The following CDH4 variants were observed in gnomAD, a reference collection of about 807,000 sequenced individuals.
CDH4 encodes the protein cadherin 4.
A neutral mutation model predicts 86.0 loss-of-function variants in CDH4; 33 were observed. The observed-to-expected ratio is 0.38, with a 90% CI of 0.29 to 0.51. The LOEUF (loss-of-function observed/expected upper bound fraction) is 0.51, where lower values mean the gene tolerates loss of function less well. Among genes scored for constraint, CDH4 ranks in the 20% least tolerant of loss-of-function variants. The probability of loss-of-function intolerance (pLI) is 0.86; values close to 1 mark genes in which losing one functional copy is unlikely to be tolerated. For synonymous variants in CDH4, 555 were observed against 549.4 expected (o/e 1.01, Z -0.14); for missense variants, 1,114 against 1,307.4 (o/e 0.85, Z 2.28).
At chr20:61,565,260 G>GTGGTGCTCTTGGTGA (rs2086274425) in intron 2 of CDH4, among the ~76,000 whole-genome samples, 1 of 101,726 alleles carries the variant, frequency 9.8e-6, no homozygotes, top group African/African-American at 3.9e-5. Flanking sequence ...CTTGGTGATG[G>GTGGTGCTCTTGGTGA]TGGTGGTGGT....
chr20:61,813,051 C>T (rs894136621), intron 4 of CDH4, among the ~76,000 whole-genome samples: 3 of 152,248 alleles, frequency 2.0e-5, no homozygotes, highest in Admixed American at 2.0e-4. Context: ...AGGCTGACTG[C>T]GAACCACATC....
At chr20:61,389,910 A>G (rs879243922) in intron 2 of CDH4, among the ~76,000 whole-genome samples, 5 of 137,114 alleles carry the variant, frequency 3.6e-5, no homozygotes, top group African/African-American at 5.5e-5. Flanking sequence ...TGCCCATAGC[A>G]CCATGTCTAG....
chr20:61,722,033 C>T (rs191525930), intron 2 of CDH4, among the ~76,000 whole-genome samples: 16 of 152,204 alleles, frequency 1.1e-4, no homozygotes, highest in East Asian at 7.7e-4. Flanking sequence ...GGCACCTCAC[C>T]GTCCAATGTG....
rs769022264 is a variant in CDH4 at position 61,844,808 on chromosome 20, G to A, written c.717G>A (p.Glu239=). ...MYVTRPMDRE[E]HASYHLRAHA... The stretch of plus-strand genomic sequence containing the variant: ...TCACAAGGCCCATGGACCGGGAGGA[G>A]CACGCCTCTTACCACGTGAGTGTCC... Residue 239 remains glutamate (E), a synonymous_variant, in exon 5 of 16, where the codon GAG becomes GAA. Coordinates refer to ENST00000614565, the MANE Select transcript of CDH4 (RefSeq NM_001794.5). 7 of 1,612,720 alleles carry A rather than the reference G, an allele frequency of 4.3e-6. No homozygotes were observed. The East Asian group carries it at 1.6e-4, about 36-fold the overall frequency.
intron 4 of CDH4, among the ~76,000 whole-genome samples, chr20:61,784,248 A>G (rs1364377216): frequency 1.4e-4 from 1 of 7,358 alleles, no homozygotes. Flanking sequence ...TTGTGCCCCC[A>G]GGAGAATGTA....
intron 2 of CDH4, among the ~76,000 whole-genome samples, chr20:61,308,457 T>C (rs547062438): frequency 2.0e-5 from 3 of 152,314 alleles, no homozygotes; most frequent in Admixed American, 6.5e-5. Context: ...CTCATTGCAC[T>C]GTGCAGGAAA....
Position 61,731,057 on chromosome 20 carries a change from C to T in CDH4, c.170-12506C>T, listed in dbSNP as rs753426207. On this transcript the variant is annotated intron_variant, in intron 2 of 15. Coordinates refer to ENST00000614565, the MANE Select transcript of CDH4 (RefSeq NM_001794.5). Reference sequence around the variant, plus strand: ...GTGTGGGCAGACCCCAGAGACCTCACCCTGGGGTCTGGAGTTCAGGAGAAG... The same window carrying T: ...GTGTGGGCAGACCCCAGAGACCTCATCCTGGGGTCTGGAGTTCAGGAGAAG... 6.0e-4 allele frequency among the ~76,000 whole-genome samples: 92 copies of T among 152,124 alleles called. 1 individual carries two copies. The highest frequency in any genetic ancestry group is 5.6e-4 in the Non-Finnish European group (38 of 67,966).
chr20:61,795,438 G>T (rs1001926278), intron 4 of CDH4, among the ~76,000 whole-genome samples: 1 of 152,068 alleles, frequency 6.6e-6, no homozygotes, highest in Non-Finnish European at 1.5e-5. Flanking sequence ...GAAGGTGAGA[G>T]GAATGACAGG....
At position 61,663,311 on chromosome 20, in the gene CDH4, G is replaced by A. The variant is rs1010321020; in HGVS notation, c.170-80252G>A. Among the ~76,000 whole-genome samples, 2 of 152,250 alleles carry A rather than the reference G, an allele frequency of 1.3e-5. No individual in the cohort carries two copies. Among genetic ancestry groups the A allele is most frequent in the African/African-American group, 4.8e-5 (2 of 41,466 alleles). ...AGGAAAGGAGTGGCACCCGCAGGAG[G>A]CCTGTGCTGCGGAGCTCCTGGGAGG... On this transcript the variant is annotated intron_variant, in intron 2 of 15. Transcript: ENST00000614565. The surrounding 1 kb of genome is among the most constrained non-coding windows in gnomAD (Gnocchi z 5.0).
chr20:61,341,450 G>T (rs1357936203), intron 2 of CDH4, among the ~76,000 whole-genome samples: 1 of 151,612 alleles, frequency 6.6e-6, no homozygotes, highest in African/African-American at 2.4e-5. Flanking sequence ...TTGTGAAGTA[G>T]CCAAAAAAGT....
chr20:61,571,128 C>T (rs1003242715), intron 2 of CDH4, among the ~76,000 whole-genome samples: 2 of 152,166 alleles, frequency 1.3e-5, no homozygotes, highest in Non-Finnish European at 2.9e-5. Flanking sequence ...GTGTGAATAA[C>T]CCGCCTGCAG....
intron 4 of CDH4, among the ~76,000 whole-genome samples, chr20:61,821,522 C>T (rs1483564480): frequency 3.0e-5 from 4 of 133,580 alleles, no homozygotes; most frequent in African/African-American, 5.7e-5. Context: ...GCTCCAGTCC[C>T]CTCACTCCCT....
chr20:61,713,320 C>G (rs748457300), intron 2 of CDH4, among the ~76,000 whole-genome samples: 8 of 152,286 alleles, frequency 5.3e-5, no homozygotes, highest in African/African-American at 1.7e-4. Context: ...TCCACTCCCC[C>G]CCAGACCTCC....
chr20:61,860,488 G>T (rs1194838320), intron 6 of CDH4, among the ~76,000 whole-genome samples: 1 of 152,210 alleles, frequency 6.6e-6, no homozygotes. Context: ...GTTCCCAGAC[G>T]CTGGCCTGCC....
chr20:61,768,929 T>C (rs886138005), intron 3 of CDH4, among the ~76,000 whole-genome samples: 6 of 152,212 alleles, frequency 3.9e-5, no homozygotes, highest in African/African-American at 1.4e-4. Flanking sequence ...GGAAACCCTT[T>C]AAAACTCAGA....
intron 2 of CDH4, among the ~76,000 whole-genome samples, chr20:61,315,815 C>T (rs2084473150): frequency 1.3e-5 from 2 of 152,200 alleles, no homozygotes; most frequent in African/African-American, 2.4e-5. Flanking sequence ...GCAATCTTTC[C>T]ACATAAGCCT....
chr20:61,822,147 C>T (rs1981076519), intron 4 of CDH4, among the ~76,000 whole-genome samples: 2 of 152,242 alleles, frequency 1.3e-5, no homozygotes, highest in Admixed American at 1.3e-4. Context: ...TGCCTTCAGA[C>T]TTTCTAAGGC....
intron 2 of CDH4, among the ~76,000 whole-genome samples, chr20:61,506,290 C>T (rs1010353167): frequency 2.0e-5 from 3 of 152,190 alleles, no homozygotes; most frequent in African/African-American, 7.2e-5. Flanking sequence ...TCATTAAAAT[C>T]CAGTTACAGT....
In CDH4 at chr20:61,938,524, AG is replaced by A; in HGVS notation, c.*1584del. ...TTCCCGAGGAAGGAGGTGAGGTACC[AG>A]GGACCCTGGGCAGGACCTGGTGTCG... On this transcript the variant is annotated 3_prime_UTR_variant, in exon 16 of 16. Transcript: ENST00000614565. 6.6e-6 allele frequency: 1 copy of A among 152,546 alleles called. No individual in the cohort carries two copies. The highest frequency in any genetic ancestry group is 1.5e-5 in the Non-Finnish European group (1 of 68,180). The allele number at this position is 152,546 out of a possible 1,614,324, so 9.4% of individuals were successfully genotyped here. A position where few individuals can be genotyped will look rare whatever the true frequency, so the allele number is the denominator to read the frequency against.
Sources: allele counts gnomAD v4.1 joint callset (sites outside exome capture counted in the v4.1 genomes callset), GRCh38; gene constraint gnomAD v4.1.1; non-coding constraint Gnocchi (gnomAD v3.1); transcripts MANE v1.5; gene names NCBI Gene and HGNC (gene_info 2026-07-23, HGNC 2026-07-21).